TRIM14: variants seen among roughly 807,000 people sequenced by gnomAD.
TRIM14 encodes tripartite motif-containing protein 14.
A neutral mutation model predicts 44.5 loss-of-function variants in TRIM14; 28 were observed. The observed-to-expected ratio is 0.63, with a 90% CI of 0.47 to 0.86. TRIM14 has a LOEUF of 0.86. TRIM14 is among the 40% of genes least tolerant of loss of function. The pLI, the probability that TRIM14 is intolerant of heterozygous loss-of-function variation, is 0.00. For missense variants in TRIM14, 607 were observed against 611.1 expected (o/e 0.99, Z 0.07); for synonymous variants, 299 against 269.2 (o/e 1.11, Z -1.08).
downstream of TRIM14, among the ~76,000 whole-genome samples, chr9:98,065,308 C>CTTTT (rs758040892): frequency 8.3e-4 from 77 of 92,744 alleles, 4 homozygotes; most frequent in African/African-American, 2.1e-3. Context: ...ACTCCTGGTG[C>CTTTT]TTTTTTTTTT....
chr9:98,042,521 C>T, the TRIM14 span, among the ~76,000 whole-genome samples: 4 of 152,206 alleles, frequency 2.6e-5, no homozygotes, highest in Middle Eastern at 3.4e-3. Context: ...GCTAACAATT[C>T]TTAAAACATT....
chr9:98,100,136 A>C lies in TRIM14; in HGVS notation c.332T>G (p.Leu111Arg), dbSNP rs1213994851. The change falls in exon 3 of 6, where the codon CTG becomes CGG. Residue 111 changes from leucine (L) to arginine (R), a missense_variant. Physicochemically the swap from Leu to Arg is moderately radical, Grantham distance 102. Coordinates refer to ENST00000341469, the MANE Select transcript of TRIM14 (RefSeq NM_014788.4). ...TCTGAGTTCAGTGAATTTCCCCTTC[A>C]GCCAGGTTTTACTTGACTCTGCATT... ...KANAESSKTW[L>R]KGKFTELRLL... is the part of the protein sequence containing the mutation. The C allele has an allele frequency of 6.2e-7, 1 of 1,614,078 alleles. No individual in the cohort carries two copies. The highest frequency in any genetic ancestry group is 8.5e-7 in the Non-Finnish European group (1 of 1,180,046).
chr9:98,093,838 C>T (rs1415615424), intron 4 of TRIM14, among the ~76,000 whole-genome samples: 2 of 152,082 alleles, frequency 1.3e-5, no homozygotes, highest in Non-Finnish European at 1.5e-5. Flanking sequence ...CTCCACCTCC[C>T]GGGTTCAAGC....
At chr9:98,058,165 C>A in the TRIM14 span, among the ~76,000 whole-genome samples, 3 of 152,070 alleles carry the variant, frequency 2.0e-5, no homozygotes, top group African/African-American at 4.8e-5. Context: ...AATCTGCCCA[C>A]CTTGGCCTCC....
At chr9:98,082,218 A>G (rs144512600), downstream of TRIM14, 1 of 152,240 alleles carries the variant, frequency 6.6e-6, no homozygotes, top group Non-Finnish European at 1.5e-5. Context: ...CCATCTGCAT[A>G]ACAGCCACAT....
At chr9:98,057,922 G>GTTTTT in the TRIM14 span, among the ~76,000 whole-genome samples, 96 of 78,096 alleles carry the variant, frequency 1.2e-3, 3 homozygotes, top group South Asian at 2.2e-3. Flanking sequence ...TTTTTTCCTG[G>GTTTTT]TTTTTTTTTT....
chr9:98,097,304 G>A (rs1036146876), intron 3 of TRIM14, among the ~76,000 whole-genome samples: 11 of 152,132 alleles, frequency 7.2e-5, no homozygotes, highest in African/African-American at 2.7e-4. Context: ...ATCCAGCTGT[G>A]TCTCTCAATC....
chr9:98,109,134 T>G (rs1452620402), intron 2 of TRIM14, among the ~76,000 whole-genome samples: 3 of 152,092 alleles, frequency 2.0e-5, no homozygotes, highest in Admixed American at 6.5e-5. Flanking sequence ...TCCTCCAGCC[T>G]TGGCCTCCCA....
At chr9:98,057,039 C>G in the TRIM14 span, 1 of 1,390,444 alleles carries the variant, frequency 7.2e-7, no homozygotes, top group Non-Finnish European at 9.4e-7. Context: ...GCTGGGTACC[C>G]TGGTCCGGCC....
downstream of TRIM14, chr9:98,081,195 C>T (rs114706293): frequency 7.0e-6 from 10 of 1,419,618 alleles, no homozygotes; most frequent in East Asian, 2.3e-5. Context: ...ATGAAATGAT[C>T]AGTGAATGTG....
chr9:98,047,504 G>GA, the TRIM14 span, among the ~76,000 whole-genome samples: 1 of 152,076 alleles, frequency 6.6e-6, no homozygotes, highest in African/African-American at 2.4e-5. Context: ...CCTGTTTTGG[G>GA]AAAAACCTCT....
intron 2 of TRIM14, among the ~76,000 whole-genome samples, chr9:98,102,913 G>A (rs534847489): frequency 2.5e-4 from 38 of 152,184 alleles, no homozygotes; most frequent in South Asian, 1.0e-3. Context: ...TAGGCTGGGC[G>A]CGGTGGCTCA....
intron 2 of TRIM14, among the ~76,000 whole-genome samples, chr9:98,100,575 T>G (rs1805647809): frequency 6.6e-6 from 1 of 152,084 alleles, no homozygotes; most frequent in Non-Finnish European, 1.5e-5. Flanking sequence ...AAGCCAAAAT[T>G]GCTTTAAAAA....
At chr9:98,081,106 G>A (rs1391472022), downstream of TRIM14, 8 of 1,612,646 alleles carry the variant, frequency 5.0e-6, no homozygotes, top group South Asian at 2.2e-5. Context: ...GACTCTACTC[G>A]GTTCTGCTGC....
chr9:98,057,074 T>C, the TRIM14 span: 4 of 1,229,724 alleles, frequency 3.3e-6, no homozygotes, highest in East Asian at 8.3e-5. Context: ...AGTTCCGTTT[T>C]CGGAATCCTT....
chr9:98,114,876 G>A (rs1826990760), intron 1 of TRIM14, among the ~76,000 whole-genome samples: 2 of 152,102 alleles, frequency 1.3e-5, no homozygotes, highest in Non-Finnish European at 2.9e-5. Flanking sequence ...GGACTAAACT[G>A]ATAGAGGATA....
Position 98,087,609 on chromosome 9 carries a change from T to G in TRIM14, c.1190A>C (p.Tyr397Ser). The G allele has an allele frequency of 6.2e-7, 1 of 1,601,664 alleles. No homozygotes were observed. The highest frequency in any genetic ancestry group is 1.1e-5 in the South Asian group (1 of 89,922). The stretch of plus-strand genomic sequence containing the variant: ...GTAGAAGGCGAGGACGCCGGCCTCG[T>G]AGTCCAGGAAGACGCCGAGCCGGTC... ...DLDRLGVFLD[Y>S]EAGVLAFYDV... Residue 397 changes from tyrosine to serine, a missense_variant, in exon 6 of 6, where the codon TAC becomes TCC. By Grantham distance (144) the Tyr-to-Ser change is moderately radical (BLOSUM62 -2). Transcript: ENST00000341469.
chr9:98,089,032 A>G (rs1289850531), intron 5 of TRIM14, among the ~76,000 whole-genome samples: 2 of 152,158 alleles, frequency 1.3e-5, no homozygotes, highest in Non-Finnish European at 2.9e-5. Context: ...CGTGTTGCCT[A>G]TTGTGACTAA....
the TRIM14 span, among the ~76,000 whole-genome samples, chr9:98,054,732 C>T: frequency 1.3e-5 from 2 of 152,302 alleles, no homozygotes; most frequent in South Asian, 4.1e-4. Flanking sequence ...CCAGAGTCAG[C>T]CCCCAGTCCA....
Sources: allele counts gnomAD v4.1 joint callset (sites outside exome capture counted in the v4.1 genomes callset), GRCh38; gene constraint gnomAD v4.1.1; transcripts MANE v1.5; gene names NCBI Gene and HGNC (gene_info 2026-07-23, HGNC 2026-07-21).